Variants in CCNI2 observed in about 807,000 individuals in gnomAD.
The protein encoded by CCNI2 is cyclin I family member 2.
A neutral mutation model predicts 33.2 loss-of-function variants in CCNI2; 32 were observed. The observed-to-expected ratio is 0.96, with a 90% CI of 0.73 to 1.30. The LOEUF is 1.30. Ranked by LOEUF, CCNI2 falls within the 50% of genes most tolerant of loss-of-function variation. The probability of loss-of-function intolerance (pLI) is 0.00; values close to 1 mark genes in which losing one functional copy is unlikely to be tolerated. For synonymous variants in CCNI2, 231 were observed against 219.9 expected, an observed-to-expected ratio of 1.05 and a Z score of -0.45; for missense variants, 452 against 486.2, an observed-to-expected ratio of 0.93 and a Z score of 0.66.
chr5:132,747,878 T>G lies in CCNI2; in HGVS notation c.383T>G (p.Leu128Arg). ...CGCCGGCTGCTCTGCCACTTGCAGC[T>G]GGCCCAGGACCGCGAGGCGCGCCTG... ...DERRLLCHLQ[L>R]AQDREARLWR... Residue 128 changes from leucine (L) to arginine (R), a missense_variant, in exon 1 of 6, where the codon CTG becomes CGG. Leu to Arg is a moderately radical substitution (Grantham distance 102, BLOSUM62 -2). Coordinates refer to ENST00000378731, the MANE Select transcript of CCNI2 (RefSeq NM_001039780.4). This position sits in a 1 kb window ranked among gnomAD's most constrained non-coding sequence, Gnocchi z 4.1. 1.4e-6 allele frequency: 2 copies of G among 1,453,960 alleles called. No homozygotes were observed. The highest frequency in any genetic ancestry group is 5.8e-5 in the East Asian group (2 of 34,458). 90.1% of individuals were successfully genotyped at this position (1,453,960 alleles called of 1,614,324 possible). A position where few individuals can be genotyped will look rare whatever the true frequency, so the allele number is the denominator to read the frequency against.
chr5:132,748,396 T>A lies in CCNI2; in HGVS notation c.479T>A (p.Leu160His), dbSNP rs577214104. 1 of 1,614,162 alleles carries A rather than the reference T, an allele frequency of 6.2e-7. No individual in the cohort carries two copies. The highest frequency in any genetic ancestry group is 1.3e-5 in the African/African-American group (1 of 75,050). The change falls in exon 2 of 6, where the codon CTT becomes CAT. Residue 160 changes from leucine to histidine, a missense_variant. Coordinates refer to ENST00000378731, the MANE Select transcript of CCNI2 (RefSeq NM_001039780.4). ...GAAGTCGTGCTGTGGCTCCTGCGGCTTCAGAACACCTTTTACTTCTCCCAG... is the reference window on the plus strand; with the variant it reads ...GAAGTCGTGCTGTGGCTCCTGCGGCATCAGAACACCTTTTACTTCTCCCAG... ...FEEVVLWLLR[L>H]QNTFYFSQST... is the part of the protein sequence containing the mutation.
At chr5:132,750,293 A>C (rs1245523420) in intron 3 of CCNI2, among the ~76,000 whole-genome samples, 2 of 152,226 alleles carry the variant, frequency 1.3e-5, no homozygotes, top group Non-Finnish European at 2.9e-5. Context: ...TCAAATGTTT[A>C]CTCATAGACA....
intron 2 of CCNI2, among the ~76,000 whole-genome samples, chr5:132,749,061 T>G (rs55980028): frequency 0.015 from 2,205 of 151,936 alleles, 26 homozygotes; most frequent in Non-Finnish European, 0.025. Context: ...TTGGAGACCA[T>G]CCTGGCCAGC....
chr5:132,747,549 C>T lies in CCNI2; in HGVS notation c.54C>T (p.Ala18=), dbSNP rs946595955. 11 of 1,502,584 alleles carry T rather than the reference C, an allele frequency of 7.3e-6. No individual in the cohort carries two copies. In the African/African-American group the frequency reaches 1.0e-4, roughly 14 times the overall value. The allele number at this position is 1,502,584 out of a possible 1,614,324, so 93.1% of individuals were successfully genotyped here. A position where few individuals can be genotyped will look rare whatever the true frequency, so the allele number is the denominator to read the frequency against. The change falls in exon 1 of 6, where the codon GCC becomes GCT. Residue 18 remains alanine, a synonymous_variant. Transcript: ENST00000378731. The surrounding 1 kb of genome is among the most constrained non-coding windows in gnomAD (Gnocchi z 4.1). ...AGCCGTCGAGCTCAGAGGTCAGCGC[C>T]GTCCAGAGCCCAGGCGGGCGTCCCG... ...PPQPSSSEVS[A]VQSPGGRPGA...
Position 132,748,342 on chromosome 5 carries a change from A to T in CCNI2, c.430-5A>T. ...CCTCGCCCCACCTGCTCTTCTTCCTAGCAGGATGAAATCTGCGACGCCTTC... is the reference window on the plus strand; with the variant it reads ...CCTCGCCCCACCTGCTCTTCTTCCTTGCAGGATGAAATCTGCGACGCCTTC... On this transcript the variant is annotated splice_region_variant and splice_polypyrimidine_tract_variant and intron_variant, in intron 1 of 5. Coordinates refer to ENST00000378731, the MANE Select transcript of CCNI2 (RefSeq NM_001039780.4). The T allele has an allele frequency of 6.2e-7, 1 of 1,613,914 alleles. No homozygotes were observed. Among genetic ancestry groups the T allele is most frequent in the Non-Finnish European group, 8.5e-7 (1 of 1,179,914 alleles).
rs1476593986 is a variant in CCNI2 at position 132,750,993 on chromosome 5, C to T, written c.770C>T (p.Thr257Ile). 4.1e-5 allele frequency: 66 copies of T among 1,613,420 alleles called. No individual in the cohort carries two copies. Among genetic ancestry groups the T allele is most frequent in the Non-Finnish European group, 5.4e-5 (64 of 1,179,874 alleles). Reference protein sequence around the residue: ...LYIGTPLDFLTIFHALVVLSW... With the variant: ...LYIGTPLDFLIIFHALVVLSW... ...ATTGGGACGCCGCTGGACTTCTTGA[C>T]TATAGTGAGTAAGGAGGTGTTTACA... The change falls in exon 4 of 6, where the codon ACT becomes ATT. Residue 257 changes from threonine (T) to isoleucine (I), a missense_variant. Thr to Ile is a moderately conservative substitution (Grantham distance 89, BLOSUM62 -1). Transcript: ENST00000378731.
At position 132,748,395 on chromosome 5, in the gene CCNI2, C is replaced by T. The variant is rs1412115758; in HGVS notation, c.478C>T (p.Leu160Phe). ...GGAAGTCGTGCTGTGGCTCCTGCGG[C>T]TTCAGAACACCTTTTACTTCTCCCA... ...FEEVVLWLLR[L>F]QNTFYFSQST... Residue 160 changes from leucine to phenylalanine, a missense_variant, in exon 2 of 6, where the codon CTT becomes TTT. By Grantham distance (22) the Leu-to-Phe change is conservative. Coordinates refer to ENST00000378731, the MANE Select transcript of CCNI2 (RefSeq NM_001039780.4). 4 of 1,614,080 alleles carry T rather than the reference C, an allele frequency of 2.5e-6. No individual in the cohort carries two copies. The South Asian group carries it at 3.3e-5, about 13-fold the overall frequency.
downstream of CCNI2, chr5:132,756,016 C>T (rs983990860): frequency 3.0e-6 from 3 of 984,894 alleles, no homozygotes; most frequent in African/African-American, 3.5e-5. Context: ...AAAATAAATG[C>T]AAAATTTAAT....
chr5:132,750,979 G>A lies in CCNI2; in HGVS notation c.756G>A (p.Pro252=), dbSNP rs111822821. Residue 252 remains proline (P), a synonymous_variant, in exon 4 of 6, where the codon CCG becomes CCA. Coordinates refer to ENST00000378731, the MANE Select transcript of CCNI2 (RefSeq NM_001039780.4). Reference sequence around the variant, plus strand: ...ACTGGGACCTCTATATTGGGACGCCGCTGGACTTCTTGACTATAGTGAGTA... The same window carrying A: ...ACTGGGACCTCTATATTGGGACGCCACTGGACTTCTTGACTATAGTGAGTA... ...RLHWDLYIGT[P]LDFLTIFHAL... The A allele has an allele frequency of 4.1e-3, 6,688 of 1,613,990 alleles. 26 individuals carry two copies. The highest frequency in any genetic ancestry group is 5.2e-3 in the Non-Finnish European group (6,103 of 1,179,974).
Position 132,749,424 on chromosome 5 carries a change from T to A in CCNI2, c.633+2T>A, listed in dbSNP as rs1446032894. ...GCAAAAGTTAATGAAGAAGAGGAGG[T>A]ATGCATCCTTGGAAGTCCACACTGG... On this transcript the variant is annotated splice_donor_variant, in intron 3 of 5. Coordinates refer to ENST00000378731, the MANE Select transcript of CCNI2 (RefSeq NM_001039780.4). LOFTEE classifies it high-confidence loss of function. 2 of 1,612,646 alleles carry A rather than the reference T, an allele frequency of 1.2e-6. No individual in the cohort carries two copies. Among genetic ancestry groups the A allele is most frequent in the Admixed American group, 3.3e-5 (2 of 59,986 alleles).
In CCNI2 at chr5:132,747,615, G is replaced by T; in HGVS notation, c.120G>T (p.Pro40=). Residue 40 remains proline, a synonymous_variant, in exon 1 of 6, where the codon CCG becomes CCT. Coordinates refer to ENST00000378731, the MANE Select transcript of CCNI2 (RefSeq NM_001039780.4). The surrounding 1 kb of genome is among the most constrained non-coding windows in gnomAD (Gnocchi z 4.1). ...LEETALGVPL[P]PSPGEAPLPR... ...AAACAGCCCTGGGCGTTCCTCTCCC[G>T]CCGTCTCCGGGGGAGGCCCCTCTGC... The T allele has an allele frequency of 6.7e-7, 1 of 1,499,884 alleles. No individual in the cohort carries two copies. Among genetic ancestry groups the T allele is most frequent in the Non-Finnish European group, 8.8e-7 (1 of 1,130,934 alleles). 92.9% of individuals were successfully genotyped at this position (1,499,884 alleles called of 1,614,324 possible). A position where few individuals can be genotyped will look rare whatever the true frequency, so the allele number is the denominator to read the frequency against.
rs1390150620 is a variant in CCNI2, at chr5:132,747,864, C to T, written c.369C>T (p.Leu123=). The change falls in exon 1 of 6, where the codon CTC becomes CTT. Residue 123 remains leucine (L), a synonymous_variant. Coordinates refer to ENST00000378731, the MANE Select transcript of CCNI2 (RefSeq NM_001039780.4). The surrounding 1 kb of genome is among the most constrained non-coding windows in gnomAD (Gnocchi z 4.1). ...GCGACCTGGACGAGCGCCGGCTGCTCTGCCACTTGCAGCTGGCCCAGGACC... is the reference window on the plus strand; with the variant it reads ...GCGACCTGGACGAGCGCCGGCTGCTTTGCCACTTGCAGCTGGCCCAGGACC... ...LEGDLDERRL[L]CHLQLAQDRE... is the part of the protein sequence containing the mutation. 2 of 1,464,860 alleles carry T rather than the reference C, an allele frequency of 1.4e-6. No homozygotes were observed. Among genetic ancestry groups the T allele is most frequent in the East Asian group, 5.8e-5 (2 of 34,526 alleles). The allele number at this position is 1,464,860 out of a possible 1,614,324, so 90.7% of individuals were successfully genotyped here.
chr5:132,752,793 T>A (rs1754967739), intron 5 of CCNI2, 73 bp from the exon 6 acceptor site: 2 of 1,320,070 alleles, frequency 1.5e-6, no homozygotes, highest in Non-Finnish European at 2.2e-6. Flanking sequence ...TGCTAACATT[T>A]TGGCACTCAA....
At position 132,753,103 on chromosome 5, in the gene CCNI2, T is replaced by C; in HGVS notation, c.*133T>C. 4.2e-6 allele frequency: 3 copies of C among 711,608 alleles called. No individual in the cohort carries two copies. Among genetic ancestry groups the C allele is most frequent in the South Asian group, 3.6e-5 (2 of 56,206 alleles). 44.1% of individuals were successfully genotyped at this position (711,608 alleles called of 1,614,324 possible). ...CTCTGGAAGAGCAACTGAGAAAAAG[T>C]TCCCAACTGAGCCCTTGGAAAAAAA... On this transcript the variant is annotated 3_prime_UTR_variant, in exon 6 of 6. Transcript: ENST00000378731.
At chr5:132,751,158 G>T in intron 4 of CCNI2, 161 bp downstream of exon 4, 1 of 678,720 alleles carries the variant, frequency 1.5e-6, no homozygotes, top group Non-Finnish European at 2.3e-6. Flanking sequence ...AGAGTGAAAA[G>T]GTATCTTAAA....
chr5:132,751,145 G>A (rs942623185), intron 4 of CCNI2, 148 bp downstream of exon 4: 30 of 778,478 alleles, frequency 3.9e-5, no homozygotes, highest in Admixed American at 6.0e-5. Flanking sequence ...CATGACATAC[G>A]GAAGAGTGAA....
At chr5:132,751,026 C>T (rs1487042546) in intron 4 of CCNI2, 29 bp downstream of exon 4, 3 of 1,606,574 alleles carry the variant, frequency 1.9e-6, no homozygotes, top group Non-Finnish European at 2.5e-6. Flanking sequence ...ACAGAGTCTA[C>T]CCTAAACTCG....
Position 132,751,602 on chromosome 5 carries a change from G to A in CCNI2, c.775-364G>A, listed in dbSNP as rs542443175. On this transcript the variant is annotated intron_variant, in intron 4 of 5. Transcript: ENST00000378731. ...TGTTTCATTACGAAAACTGGCCACC[G>A]TTGCCAAGTTGCAGAGTTTCGTCTT... The A allele has an allele frequency of 1.6e-4, 49 of 301,390 alleles. No homozygotes were observed. In the South Asian group the frequency reaches 2.6e-3, roughly 16 times the overall value. The allele number at this position is 301,390 out of a possible 1,614,324, so 18.7% of individuals were successfully genotyped here.
intron 2 of CCNI2, among the ~76,000 whole-genome samples, chr5:132,748,934 GC>G (rs1395539076): frequency 1.3e-5 from 2 of 152,136 alleles, no homozygotes; most frequent in Non-Finnish European, 2.9e-5. Context: ...GAGAAATTGA[GC>G]CTTTTAAAAA....
Sources: allele counts gnomAD v4.1 joint callset (sites outside exome capture counted in the v4.1 genomes callset), GRCh38; gene constraint gnomAD v4.1.1; non-coding constraint Gnocchi (gnomAD v3.1); transcripts MANE v1.5; gene names NCBI Gene and HGNC (gene_info 2026-07-23, HGNC 2026-07-21).